SMC5: variants seen among roughly 807,000 people sequenced by gnomAD.
SMC5 encodes structural maintenance of chromosomes protein 5.
Under a neutral mutation model 148.3 loss-of-function variants are expected in SMC5, and 88 were observed. The observed-to-expected ratio is 0.59, with a 90% CI of 0.50 to 0.71. SMC5 has a LOEUF of 0.71. SMC5 is among the 30% of genes least tolerant of loss of function. SMC5 has a pLI of 0.00. For synonymous variants in SMC5, 421 were observed against 432.8 expected (o/e 0.97, Z 0.34); for missense variants, 1,142 against 1,298.9 (o/e 0.88, Z 1.86).
intron 2 of SMC5, among the ~76,000 whole-genome samples, chr9:70,266,780 T>G (rs1477836885): frequency 6.6e-6 from 1 of 152,234 alleles, no homozygotes; most frequent in Non-Finnish European, 1.5e-5. Context: ...ATGGATACTT[T>G]ATAATAAGAA....
chr9:70,307,878 C>T (rs757884063), intron 11 of SMC5, among the ~76,000 whole-genome samples: 2 of 152,130 alleles, frequency 1.3e-5, no homozygotes, highest in Non-Finnish European at 2.9e-5. Flanking sequence ...ACTCCTGTGT[C>T]ATTTTGATAT....
chr9:70,318,398 ATG>A, intron 13 of SMC5, 114 bp from the exon 14 acceptor site: 1 of 857,668 alleles, frequency 1.2e-6, no homozygotes, highest in Non-Finnish European at 1.7e-6. Flanking sequence ...AAAAAAAAAA[ATG>A]TATATCTCGT....
At chr9:70,291,959 A>C (rs2035074651) in intron 8 of SMC5, among the ~76,000 whole-genome samples, 1 of 152,170 alleles carries the variant, frequency 6.6e-6, no homozygotes. Context: ...AGGATACCAC[A>C]TGAATGGAAC....
chr9:70,287,480 A>G (rs1390579133), intron 8 of SMC5, among the ~76,000 whole-genome samples: 1 of 152,100 alleles, frequency 6.6e-6, no homozygotes, highest in African/African-American at 2.4e-5. Flanking sequence ...ATGCCCAAAT[A>G]TATGTGTGTT....
chr9:70,291,846 T>C (rs887300669), intron 8 of SMC5, among the ~76,000 whole-genome samples: 1 of 120,268 alleles, frequency 8.3e-6, no homozygotes, highest in Admixed American at 8.0e-5. Flanking sequence ...AGTAATTGCA[T>C]TTTTTTTTTT....
intron 1 of SMC5, among the ~76,000 whole-genome samples, chr9:70,263,442 T>C (rs1333069655): frequency 6.6e-6 from 1 of 152,204 alleles, no homozygotes; most frequent in South Asian, 2.1e-4. Context: ...AATAGCAGGC[T>C]AAGCATTTAT....
chr9:70,349,444 C>A (rs2036751929), intron 22 of SMC5, among the ~76,000 whole-genome samples: 1 of 152,090 alleles, frequency 6.6e-6, no homozygotes, highest in Non-Finnish European at 1.5e-5. Flanking sequence ...GAATAGTAAA[C>A]CTTAGAGCAT....
chr9:70,316,168 A>T (rs564202273), intron 13 of SMC5, among the ~76,000 whole-genome samples: 1 of 152,224 alleles, frequency 6.6e-6, no homozygotes, highest in South Asian at 2.1e-4. Context: ...CTGTGACTCC[A>T]AACCGTATGC....
intron 13 of SMC5, among the ~76,000 whole-genome samples, chr9:70,318,244 C>G (rs2035857611): frequency 6.6e-6 from 1 of 151,872 alleles, no homozygotes; most frequent in South Asian, 2.1e-4. Context: ...TTTAATTAAC[C>G]AGGCGTGGTG....
rs749621491 is a variant in SMC5 at position 70,278,460 on chromosome 9, T to C, written c.544-31T>C. On this transcript the variant is annotated intron_variant, in intron 4 of 24. Coordinates refer to ENST00000361138, the MANE Select transcript of SMC5 (RefSeq NM_015110.4). ...TTTGAAGATATATGTAAATGAATGATAGTTGCTGATATTTAATTTTTGTGC... is the reference window on the plus strand; with the variant it reads ...TTTGAAGATATATGTAAATGAATGACAGTTGCTGATATTTAATTTTTGTGC... 1.1e-5 allele frequency: 17 copies of C among 1,594,970 alleles called. No individual in the cohort carries two copies. The Admixed American group carries it at 3.0e-4, about 28-fold the overall frequency.
intron 11 of SMC5, among the ~76,000 whole-genome samples, chr9:70,313,919 C>G (rs755687857): frequency 1.1e-4 from 17 of 152,122 alleles, no homozygotes; most frequent in Non-Finnish European, 2.1e-4. Flanking sequence ...GATTTAAACT[C>G]CAAACTCTGT....
chr9:70,352,499 TAGC>T lies in SMC5; in HGVS notation c.*172_*174del. ...GGAAACTATAATGACCTTTCCAAAA[TAGC>T]AGCTGGTAGTAAAAGTTAAGTCTTC... On this transcript the variant is annotated 3_prime_UTR_variant, in exon 25 of 25. Transcript: ENST00000361138. 1 of 594,114 alleles carries T rather than the reference TAGC, an allele frequency of 1.7e-6. No individual in the cohort carries two copies. Among genetic ancestry groups the T allele is most frequent in the Non-Finnish European group, 2.7e-6 (1 of 364,264 alleles). 36.8% of individuals were successfully genotyped at this position (594,114 alleles called of 1,614,324 possible). A position where few individuals can be genotyped will look rare whatever the true frequency, so the allele number is the denominator to read the frequency against.
At chr9:70,332,994 A>T (rs11521805) in intron 17 of SMC5, among the ~76,000 whole-genome samples, 11,747 of 152,264 alleles carry the variant, frequency 0.077, 525 homozygotes, top group African/African-American at 0.13. Context: ...AAAACTGTAA[A>T]CTGTCCCCTT....
intron 17 of SMC5, among the ~76,000 whole-genome samples, chr9:70,338,717 C>A: frequency 6.6e-6 from 1 of 152,162 alleles, no homozygotes; most frequent in South Asian, 2.1e-4. Flanking sequence ...CGTTTGTTCA[C>A]CTTTTTCATT....
At chr9:70,315,874 C>T (rs2035788304) in intron 13 of SMC5, among the ~76,000 whole-genome samples, 1 of 151,900 alleles carries the variant, frequency 6.6e-6, no homozygotes. Flanking sequence ...CCTGATTCTG[C>T]CTTGCTTGGT....
At chr9:70,260,392 C>A (rs2034083294) in intron 1 of SMC5, among the ~76,000 whole-genome samples, 2 of 152,228 alleles carry the variant, frequency 1.3e-5, no homozygotes, top group South Asian at 4.1e-4. Context: ...CAGGCGTGAG[C>A]CACCATGTCC....
At chr9:70,330,776 T>G (rs2036198242) in intron 17 of SMC5, among the ~76,000 whole-genome samples, 1 of 152,042 alleles carries the variant, frequency 6.6e-6, no homozygotes, top group Non-Finnish European at 1.5e-5. Context: ...ACTCCTGACC[T>G]CAGGTTATCC....
chr9:70,286,586 G>A (rs556912789), intron 8 of SMC5, among the ~76,000 whole-genome samples: 11 of 152,046 alleles, frequency 7.2e-5, no homozygotes, highest in African/African-American at 2.7e-4. Flanking sequence ...TTCTGTTGTT[G>A]TTTAAAACAC....
intron 3 of SMC5, among the ~76,000 whole-genome samples, chr9:70,275,967 G>A (rs1221447503): frequency 6.6e-6 from 1 of 151,952 alleles, no homozygotes; most frequent in Non-Finnish European, 1.5e-5. Flanking sequence ...TGTTATTTCC[G>A]CTAGTGTTCT....
Sources: allele counts gnomAD v4.1 joint callset (sites outside exome capture counted in the v4.1 genomes callset), GRCh38; gene constraint gnomAD v4.1.1; transcripts MANE v1.5; gene names NCBI Gene and HGNC (gene_info 2026-07-23, HGNC 2026-07-21).